The following PDE6C variants were observed in gnomAD, a reference collection of about 807,000 sequenced individuals.
The protein encoded by PDE6C is phosphodiesterase 6C, also known as cone cGMP-specific 3',5'-cyclic phosphodiesterase subunit alpha'.
Under a neutral mutation model 113.1 loss-of-function variants are expected in PDE6C, and 75 were observed. The observed-to-expected ratio is 0.66, with a 90% CI of 0.55 to 0.80. The LOEUF (loss-of-function observed/expected upper bound fraction) is 0.80. Ranked by LOEUF, PDE6C falls within the 30% of genes least tolerant of loss-of-function variation. PDE6C has a pLI of 0.00. For missense variants in PDE6C, 912 were observed against 1,038.6 expected, an observed-to-expected ratio of 0.88 and a Z score of 1.67; for synonymous variants, 375 against 363.7, an observed-to-expected ratio of 1.03 and a Z score of -0.35.
At chr10:93,665,264 G>A in intron 21 of PDE6C, 96 bp from the exon 22 acceptor site, 1 of 926,602 alleles carries the variant, frequency 1.1e-6, no homozygotes, top group Non-Finnish European at 1.8e-6. Context: ...TGACTAATTA[G>A]TCTACAAAGT....
At chr10:93,628,160 C>T (rs184928321) in intron 7 of PDE6C, among the ~76,000 whole-genome samples, 10 of 152,308 alleles carry the variant, frequency 6.6e-5, no homozygotes, top group Admixed American at 5.2e-4. Flanking sequence ...TTCCCCAGCA[C>T]CCATTCTGGA....
At chr10:93,646,138 G>A in intron 15 of PDE6C, 91 bp downstream of exon 15, 1 of 770,108 alleles carries the variant, frequency 1.3e-6, no homozygotes. Flanking sequence ...GTGGCCTTGA[G>A]TTACAGCAGT....
intron 1 of PDE6C, among the ~76,000 whole-genome samples, chr10:93,616,926 A>G (rs1333532310): frequency 1.3e-5 from 2 of 152,190 alleles, no homozygotes; most frequent in Non-Finnish European, 2.9e-5. Flanking sequence ...TGCTGAGAGG[A>G]AGACTTTTAA....
chr10:93,627,667 C>T (rs987300517), intron 7 of PDE6C, among the ~76,000 whole-genome samples: 1 of 152,070 alleles, frequency 6.6e-6, no homozygotes, highest in African/African-American at 2.4e-5. Flanking sequence ...AAAGAAAGGA[C>T]TAAAACAGAT....
Position 93,612,971 on chromosome 10 carries a change from G to A in PDE6C, c.246G>A (p.Arg82=), listed in dbSNP as rs1385697262. 6.2e-7 allele frequency: 1 copy of A among 1,614,006 alleles called. No homozygotes were observed. The highest frequency in any genetic ancestry group is 2.2e-5 in the East Asian group (1 of 44,868). The change falls in exon 1 of 22, where the codon AGG becomes AGA. Residue 82 remains arginine, a synonymous_variant. Coordinates refer to ENST00000371447, the MANE Select transcript of PDE6C (RefSeq NM_006204.4). The part of the protein sequence containing the change: ...EGGTPEQGVH[R]ALQRLAHLLQ... The stretch of plus-strand genomic sequence containing the variant: ...GCACCCCAGAGCAGGGGGTTCACAG[G>A]GCCCTGCAGAGGCTGGCCCACCTGC...
intron 4 of PDE6C, among the ~76,000 whole-genome samples, chr10:93,622,944 G>C (rs1449057842): frequency 6.6e-6 from 1 of 152,104 alleles, no homozygotes; most frequent in Non-Finnish European, 1.5e-5. Context: ...ATTGTAGGTA[G>C]GTTTATGTGT....
chr10:93,635,037 A>G (rs2058521294), intron 9 of PDE6C, 130 bp downstream of exon 9: 1 of 941,830 alleles, frequency 1.1e-6, no homozygotes, highest in Non-Finnish European at 1.7e-6. Flanking sequence ...GCTGTAACCA[A>G]TATGTTGTTA....
chr10:93,630,206 C>T (rs72822872), intron 8 of PDE6C, among the ~76,000 whole-genome samples: 31,427 of 151,974 alleles, frequency 0.21, 3,746 homozygotes, highest in East Asian at 0.36. Flanking sequence ...GGGAATCTGC[C>T]TCCACTCACC....
chr10:93,633,185 G>A (rs2134604891), intron 8 of PDE6C, among the ~76,000 whole-genome samples: 1 of 152,244 alleles, frequency 6.6e-6, no homozygotes, highest in African/African-American at 2.4e-5. Flanking sequence ...GCATGCCCAG[G>A]CCAGGCATAG....
chr10:93,647,184 T>C (rs1002392692), intron 15 of PDE6C, among the ~76,000 whole-genome samples: 3 of 152,104 alleles, frequency 2.0e-5, no homozygotes, highest in African/African-American at 7.2e-5. Flanking sequence ...AAACCAAAAA[T>C]GATTAAGGTG....
intron 1 of PDE6C, among the ~76,000 whole-genome samples, chr10:93,617,276 CA>C (rs2058424557): frequency 6.6e-6 from 1 of 152,140 alleles, no homozygotes; most frequent in African/African-American, 2.4e-5. Context: ...AAATAAAACA[CA>C]AAAACCCCTC....
intron 15 of PDE6C, among the ~76,000 whole-genome samples, chr10:93,651,920 C>T (rs1323750586): frequency 6.6e-6 from 1 of 152,138 alleles, no homozygotes; most frequent in African/African-American, 2.4e-5. Flanking sequence ...GTGCGCTGGG[C>T]ACATCTTGAG....
intron 4 of PDE6C, among the ~76,000 whole-genome samples, chr10:93,622,640 T>G (rs1348587899): frequency 1.9e-4 from 1 of 5,304 alleles, no homozygotes; most frequent in African/African-American, 2.2e-4. Context: ...TAGCCACAGG[T>G]TTTTTTTTTG....
chr10:93,630,729 A>G (rs374650211), intron 8 of PDE6C, among the ~76,000 whole-genome samples: 15 of 152,276 alleles, frequency 9.9e-5, no homozygotes, highest in African/African-American at 3.6e-4. Flanking sequence ...CCCAGGCTGC[A>G]GCGTGCCTCC....
At chr10:93,615,425 A>G (rs1029872588) in intron 1 of PDE6C, among the ~76,000 whole-genome samples, 7 of 152,214 alleles carry the variant, frequency 4.6e-5, no homozygotes, top group Non-Finnish European at 1.0e-4. Context: ...TCCATCACCC[A>G]GGCTGGAGTG....
Position 93,626,973 on chromosome 10 carries a change from G to C in PDE6C, c.1071+102G>C, listed in dbSNP as rs542576213. The C allele has an allele frequency of 5.5e-6, 6 of 1,084,814 alleles. No individual in the cohort carries two copies. In the East Asian group the frequency reaches 1.5e-4, roughly 28 times the overall value. 67.2% of individuals were successfully genotyped at this position (1,084,814 alleles called of 1,614,324 possible). On this transcript the variant is annotated intron_variant, in intron 7 of 21. Coordinates refer to ENST00000371447, the MANE Select transcript of PDE6C (RefSeq NM_006204.4). ...GAAAGCAAGAATGCATCCAATAAAA[G>C]CTAGATGGGCCGGGCGCGGTGGCTC...
chr10:93,630,603 C>G (rs1309791640), intron 8 of PDE6C, among the ~76,000 whole-genome samples: 1 of 152,088 alleles, frequency 6.6e-6, no homozygotes, highest in Admixed American at 6.6e-5. Flanking sequence ...CCCTTAGAGC[C>G]CTGATCTCAG....
chr10:93,655,494 C>T (rs913627788), intron 15 of PDE6C, among the ~76,000 whole-genome samples: 10 of 150,840 alleles, frequency 6.6e-5, no homozygotes, highest in Admixed American at 6.0e-4. Flanking sequence ...AAGTTAAACA[C>T]TGATTACATG....
chr10:93,643,555 A>G (rs1170151212), intron 14 of PDE6C, among the ~76,000 whole-genome samples: 2 of 151,974 alleles, frequency 1.3e-5, no homozygotes, highest in African/African-American at 2.4e-5. Context: ...TGCCTGGCTA[A>G]CTTTTAAATT....
Sources: gnomAD v4.1 joint callset for allele counts (sites outside exome capture counted in the v4.1 genomes callset) on GRCh38, gnomAD v4.1.1 for gene constraint, MANE v1.5 for transcripts, NCBI Gene and HGNC (gene_info 2026-07-23, HGNC 2026-07-21) for gene names.